The following MAMLD1 variants were observed in gnomAD, a reference collection of about 807,000 sequenced individuals.
MAMLD1 encodes the protein mastermind like domain containing 1, also known as mastermind-like domain-containing protein 1.
A neutral mutation model predicts 45.0 loss-of-function variants in MAMLD1; 14 were observed. The observed-to-expected ratio is 0.31, with a 90% CI of 0.21 to 0.49. MAMLD1 has a LOEUF of 0.49. Among genes scored for constraint, MAMLD1 ranks in the 20% least tolerant of loss-of-function variants. MAMLD1 has a pLI of 0.99. For synonymous variants in MAMLD1, 254 were observed against 247.8 expected, an observed-to-expected ratio of 1.02 and a Z score of -0.24; for missense variants, 543 against 603.6, an observed-to-expected ratio of 0.90 and a Z score of 1.05.
At chrX:150,439,006 C>G (rs1038397704) in intron 1 of MAMLD1, among the ~76,000 whole-genome samples, 12 of 112,048 alleles carry the variant, frequency 1.1e-4, no homozygotes, top group African/African-American at 3.2e-4. Flanking sequence ...CTCACCAACA[C>G]TTGTTATTTT....
At chrX:150,474,242 C>T (rs1484731986) in intron 5 of MAMLD1, among the ~76,000 whole-genome samples, 2 of 112,199 alleles carry the variant, frequency 1.8e-5, no homozygotes, top group Non-Finnish European at 3.8e-5. Flanking sequence ...CGAAGTTGCC[C>T]ACAGTCACAC....
At position 150,382,898 on chromosome X, in the gene MAMLD1, TTTA is replaced by T. The variant is rs2032711075; in HGVS notation, c.-64+19371_-64+19373del. Among the ~76,000 whole-genome samples the T allele has an allele frequency of 2.0e-4, 4 of 20,311 alleles. No homozygotes were observed. In the East Asian group the frequency reaches 3.2e-3, roughly 16 times the overall value. The allele number at this position is 20,311 out of a possible 115,157, so 17.6% of individuals were successfully genotyped here. A position where few individuals can be genotyped will look rare whatever the true frequency, so the allele number is the denominator to read the frequency against. ...CCATTTTATTTTATTTTTTTTTTTT[TTTA>T]TTTTTTATTTTTTTTTTTTTTGAGA... On this transcript the variant is annotated intron_variant, in intron 1 of 7. Coordinates refer to ENST00000370401, the MANE Select transcript of MAMLD1 (RefSeq NM_005491.5).
intron 5 of MAMLD1, among the ~76,000 whole-genome samples, chrX:150,481,934 GAAAGAAAGAAA>G (rs1389486973): frequency 3.4e-4 from 33 of 95,838 alleles, no homozygotes; most frequent in African/African-American, 1.3e-3. Flanking sequence ...GAGAAAGTAA[GAAAGAAAGAAA>G]AAAGAAAGAA....
chrX:150,423,404 G>A (rs1477180603), intron 1 of MAMLD1, among the ~76,000 whole-genome samples: 9 of 95,457 alleles, frequency 9.4e-5, no homozygotes, highest in Non-Finnish European at 1.3e-4. Flanking sequence ...TTGGGGCTAC[G>A]GTTGAGCAGT....
At chrX:150,473,039 G>A (rs954680185) in intron 4 of MAMLD1, among the ~76,000 whole-genome samples, 3 of 112,581 alleles carry the variant, frequency 2.7e-5, no homozygotes, top group Non-Finnish European at 5.6e-5. Flanking sequence ...CACTTGCTCA[G>A]AAGTCCCCAG....
intron 1 of MAMLD1, among the ~76,000 whole-genome samples, chrX:150,442,103 CTCT>C (rs1310515945): frequency 3.6e-4 from 39 of 108,353 alleles, no homozygotes; most frequent in Non-Finnish European, 7.5e-4. Context: ...CTAGAGCCAC[CTCT>C]GTTACTTTTT....
chrX:150,367,202 G>A (rs2031536352), intron 1 of MAMLD1, among the ~76,000 whole-genome samples: 1 of 106,977 alleles, frequency 9.3e-6, no homozygotes, highest in Non-Finnish European at 1.9e-5. Context: ...TGACACAGAT[G>A]TGTGGGTTGA....
At chrX:150,494,877 CCT>C (rs1569565022) in intron 5 of MAMLD1, among the ~76,000 whole-genome samples, 56 of 98,190 alleles carry the variant, frequency 5.7e-4, no homozygotes, top group African/African-American at 1.9e-3. Flanking sequence ...AGAGTGATAC[CCT>C]GCCTCAATAC....
chrX:150,465,711 C>T (rs782731648), intron 3 of MAMLD1, among the ~76,000 whole-genome samples: 2 of 112,245 alleles, frequency 1.8e-5, no homozygotes, highest in East Asian at 2.8e-4. Flanking sequence ...GAAAGCAAAT[C>T]GAGATATGCT....
chrX:150,473,606 A>G (rs977346217), intron 4 of MAMLD1, 74 bp from the exon 5 acceptor site: 40 of 1,064,983 alleles, frequency 3.8e-5, no homozygotes, highest in Non-Finnish European at 5.1e-5. Flanking sequence ...CAAAGCACAT[A>G]GGACACGGCA....
At chrX:150,488,465 T>A (rs1319656672) in intron 5 of MAMLD1, among the ~76,000 whole-genome samples, 2 of 112,884 alleles carry the variant, frequency 1.8e-5, no homozygotes, top group Non-Finnish European at 3.7e-5. Flanking sequence ...GAATAAGATA[T>A]GAACTTATGA....
intron 1 of MAMLD1, among the ~76,000 whole-genome samples, chrX:150,439,284 C>T (rs782187712): frequency 7.2e-5 from 8 of 111,705 alleles, no homozygotes; most frequent in African/African-American, 2.3e-4. Context: ...TCTCCCATTC[C>T]GTAGGTCTTT....
chrX:150,507,754 C>T (rs1230169106), intron 6 of MAMLD1, among the ~76,000 whole-genome samples: 2 of 112,450 alleles, frequency 1.8e-5, no homozygotes, highest in South Asian at 3.7e-4. Flanking sequence ...CCTGCCCCGG[C>T]GTGGCCTTTC....
intron 5 of MAMLD1, among the ~76,000 whole-genome samples, chrX:150,484,026 A>G (rs2036905518): frequency 8.9e-6 from 1 of 112,379 alleles, no homozygotes. Flanking sequence ...TCACTTACAC[A>G]CAGTGTGTTT....
At chrX:150,461,411 A>G (rs1342402760) in intron 2 of MAMLD1, among the ~76,000 whole-genome samples, 1 of 111,944 alleles carries the variant, frequency 8.9e-6, no homozygotes, top group Non-Finnish European at 1.9e-5. Flanking sequence ...AGTGTTTTCC[A>G]CTGGTCTTGT....
intron 5 of MAMLD1, among the ~76,000 whole-genome samples, chrX:150,480,385 A>G (rs2036715928): frequency 8.9e-6 from 1 of 112,405 alleles, no homozygotes. Flanking sequence ...TTTGCCTACA[A>G]TGACAAACAC....
intron 2 of MAMLD1, among the ~76,000 whole-genome samples, chrX:150,461,067 C>A (rs1053173221): frequency 1.8e-5 from 2 of 113,120 alleles, no homozygotes; most frequent in African/African-American, 6.4e-5. Context: ...GCATAAGTGA[C>A]CCCTGTCCAA....
At position 150,440,980 on chromosome X, in the gene MAMLD1, A is replaced by C. The variant is rs1256019274; in HGVS notation, c.-63-4474A>C. 1.4e-4 allele frequency among the ~76,000 whole-genome samples: 15 copies of C among 104,781 alleles called. No individual in the cohort carries two copies. In the East Asian group the frequency reaches 4.2e-3, roughly 29 times the overall value. 91.0% of individuals were successfully genotyped at this position (104,781 alleles called of 115,157 possible). On this transcript the variant is annotated intron_variant, in intron 1 of 7. Transcript: ENST00000370401. ...TTTAATAAAAATTATTAAATATAAAATAATATAATATAATATTTAATATAA... is the reference window on the plus strand; with the variant it reads ...TTTAATAAAAATTATTAAATATAAACTAATATAATATAATATTTAATATAA...
chrX:150,392,913 G>A, intron 1 of MAMLD1, among the ~76,000 whole-genome samples: 1 of 110,534 alleles, frequency 9.0e-6, no homozygotes, highest in Non-Finnish European at 1.9e-5. Flanking sequence ...TCCTGTATCA[G>A]AATAACACAT....
Sources: gnomAD v4.1 joint callset for allele counts (sites outside exome capture counted in the v4.1 genomes callset) on GRCh38, gnomAD v4.1.1 for gene constraint, MANE v1.5 for transcripts, NCBI Gene and HGNC (gene_info 2026-07-23, HGNC 2026-07-21) for gene names.